Variants in ELMO1 observed in about 807,000 individuals in gnomAD.
The protein encoded by ELMO1 is engulfment and cell motility 1, also known as engulfment and cell motility protein 1.
Under a neutral mutation model 98.9 loss-of-function variants are expected in ELMO1, and 26 were observed. That is an observed-to-expected ratio of 0.26 (90% CI 0.19 to 0.36). The LOEUF (loss-of-function observed/expected upper bound fraction) is 0.36. Among genes scored for constraint, ELMO1 ranks in the 10% least tolerant of loss-of-function variants. The pLI is 1.00. For missense variants in ELMO1, 627 were observed against 935.2 expected (o/e 0.67, Z 4.30); for synonymous variants, 346 against 346.0 (o/e 1.00, Z 0.00).
chr7:37,399,389 T>G (rs1803429194), intron 1 of ELMO1, among the ~76,000 whole-genome samples: 2 of 152,132 alleles, frequency 1.3e-5, no homozygotes, highest in African/African-American at 4.8e-5. Flanking sequence ...GACCACCAAT[T>G]TTGCATTCTA....
At chr7:37,130,479 C>G (rs919565537) in intron 14 of ELMO1, among the ~76,000 whole-genome samples, 5 of 152,136 alleles carry the variant, frequency 3.3e-5, no homozygotes, top group Admixed American at 6.5e-5. Flanking sequence ...AGATCACTGG[C>G]TGCTGGGCAA....
At chr7:37,050,609 A>AAC (rs60918785) in intron 15 of ELMO1, among the ~76,000 whole-genome samples, 28,641 of 129,258 alleles carry the variant, frequency 0.22, 3,033 homozygotes, top group Non-Finnish European at 0.25. Flanking sequence ...AGGTGCTCTG[A>AAC]ACACACACAC....
At chr7:36,878,691 C>T (rs1314396698) in intron 18 of ELMO1, among the ~76,000 whole-genome samples, 2 of 152,144 alleles carry the variant, frequency 1.3e-5, no homozygotes, top group East Asian at 1.9e-4. Flanking sequence ...AAATAATTCA[C>T]GGATTTAGCC....
At chr7:37,104,100 T>A (rs889943897) in intron 14 of ELMO1, among the ~76,000 whole-genome samples, 1 of 144,802 alleles carries the variant, frequency 6.9e-6, no homozygotes, top group Non-Finnish European at 1.5e-5. Context: ...AAGACGTTCC[T>A]AATAATGCTG....
At chr7:36,921,232 T>C (rs1785129557) in intron 16 of ELMO1, among the ~76,000 whole-genome samples, 1 of 152,162 alleles carries the variant, frequency 6.6e-6, no homozygotes, top group African/African-American at 2.4e-5. Flanking sequence ...GTAGCCTGAA[T>C]GGACCAACAC....
rs144227517 is a variant in ELMO1 at position 37,131,328 on chromosome 7, T to C, written c.1191+1802A>G. On this transcript the variant is annotated intron_variant, in intron 14 of 21. Coordinates refer to ENST00000310758, the MANE Select transcript of ELMO1 (RefSeq NM_014800.11). The stretch of plus-strand genomic sequence containing the variant: ...CAAAAGCCACACTTCTCTTTACAAA[T>C]AGGTTTTTTCTTTTAAGTCCTGATC... 9.4e-4 allele frequency among the ~76,000 whole-genome samples: 143 copies of C among 152,264 alleles called. 1 individual carries two copies. Among genetic ancestry groups the C allele is most frequent in the African/African-American group, 3.3e-3 (136 of 41,554 alleles).
chr7:37,125,349 A>G (rs1435221334), intron 14 of ELMO1, among the ~76,000 whole-genome samples: 1 of 152,174 alleles, frequency 6.6e-6, no homozygotes, highest in South Asian at 2.1e-4. Flanking sequence ...GTGAACAGGC[A>G]ACCTACAGAA....
chr7:37,226,342 C>A (rs1793872238), intron 8 of ELMO1, among the ~76,000 whole-genome samples: 1 of 152,182 alleles, frequency 6.6e-6, no homozygotes, highest in African/African-American at 2.4e-5. Flanking sequence ...TGTTTACTAT[C>A]CTTGGCAAGC....
chr7:37,131,855 T>C (rs1451681527), intron 14 of ELMO1, among the ~76,000 whole-genome samples: 2 of 152,154 alleles, frequency 1.3e-5, no homozygotes. Flanking sequence ...CCAAACTCCA[T>C]ATATATAGAA....
At chr7:37,008,244 T>C (rs1006758236) in intron 16 of ELMO1, among the ~76,000 whole-genome samples, 8 of 152,270 alleles carry the variant, frequency 5.3e-5, no homozygotes, top group African/African-American at 1.7e-4. Context: ...TCTGGGCAAC[T>C]AGTAATTGTT....
chr7:37,226,593 G>T (rs1270523193), intron 8 of ELMO1, among the ~76,000 whole-genome samples: 3 of 152,066 alleles, frequency 2.0e-5, no homozygotes, highest in African/African-American at 7.2e-5. Context: ...TTAGGAAACT[G>T]AAGAACTCAT....
chr7:37,216,141 T>A (rs892372271), intron 11 of ELMO1, among the ~76,000 whole-genome samples: 2 of 152,104 alleles, frequency 1.3e-5, no homozygotes, highest in Non-Finnish European at 2.9e-5. Flanking sequence ...AGGGCTTTTT[T>A]TTTTTTCCAC....
intron 1 of ELMO1, among the ~76,000 whole-genome samples, chr7:37,357,766 G>A (rs970588173): frequency 6.6e-6 from 1 of 152,138 alleles, no homozygotes; most frequent in Non-Finnish European, 1.5e-5. Flanking sequence ...CTGCAGTTTG[G>A]TTTAAGATAA....
intron 6 of ELMO1, among the ~76,000 whole-genome samples, chr7:37,252,200 T>C (rs1005578429): frequency 3.3e-5 from 5 of 152,152 alleles, no homozygotes; most frequent in Non-Finnish European, 5.9e-5. Flanking sequence ...CAAGCTACCA[T>C]TGACTTTCTT....
At chr7:37,239,691 G>T (rs1010139916) in intron 7 of ELMO1, among the ~76,000 whole-genome samples, 3 of 150,038 alleles carry the variant, frequency 2.0e-5, no homozygotes, top group Admixed American at 1.4e-4. Flanking sequence ...GCCTGCGAAG[G>T]GAAGGGGAAG....
chr7:37,097,520 G>A (rs185596664), intron 14 of ELMO1, among the ~76,000 whole-genome samples: 61 of 152,136 alleles, frequency 4.0e-4, no homozygotes, highest in African/African-American at 1.0e-3. Context: ...GGAAGCGGAG[G>A]TTGCAGTGAG....
intron 15 of ELMO1, among the ~76,000 whole-genome samples, chr7:37,087,977 G>A (rs937510876): frequency 6.6e-6 from 1 of 152,176 alleles, no homozygotes; most frequent in Non-Finnish European, 1.5e-5. Context: ...AACGATGCTT[G>A]AGATGAACCA....
chr7:37,247,606 C>T (rs951226567), intron 6 of ELMO1, among the ~76,000 whole-genome samples: 1 of 152,156 alleles, frequency 6.6e-6, no homozygotes, highest in Non-Finnish European at 1.5e-5. Context: ...ACAAATTACC[C>T]TTTAACAAAC....
At chr7:37,360,064 G>T (rs761453666) in intron 1 of ELMO1, among the ~76,000 whole-genome samples, 52 of 152,188 alleles carry the variant, frequency 3.4e-4, no homozygotes, top group Non-Finnish European at 6.5e-4. Context: ...GTAAAACGGG[G>T]ATCTTTTCAT....
Sources: allele counts gnomAD v4.1 joint callset (sites outside exome capture counted in the v4.1 genomes callset), GRCh38; gene constraint gnomAD v4.1.1; transcripts MANE v1.5; gene names NCBI Gene and HGNC (gene_info 2026-07-23, HGNC 2026-07-21).